SORCS1: variants seen among roughly 807,000 people sequenced by gnomAD.
SORCS1 encodes VPS10 domain-containing receptor SorCS1.
Under a neutral mutation model 146.1 loss-of-function variants are expected in SORCS1, and 60 were observed. That is an observed-to-expected ratio of 0.41 (90% confidence interval 0.33 to 0.51). SORCS1 has a LOEUF of 0.51. Among genes scored for constraint, SORCS1 ranks in the 20% least tolerant of loss-of-function variants. The pLI, the probability that SORCS1 is intolerant of heterozygous loss-of-function variation, is 0.21. For synonymous variants in SORCS1, 637 were observed against 584.0 expected (o/e 1.09, Z -1.31); for missense variants, 1,352 against 1,487.6 (o/e 0.91, Z 1.50).
intron 1 of SORCS1, among the ~76,000 whole-genome samples, chr10:107,131,116 C>G (rs976508181): frequency 6.6e-6 from 1 of 152,174 alleles, no homozygotes; most frequent in African/African-American, 2.4e-5. Context: ...CCTATATACA[C>G]TCTCCTGCTC....
chr10:106,625,052 C>T (rs567891326), intron 19 of SORCS1, among the ~76,000 whole-genome samples: 2 of 152,202 alleles, frequency 1.3e-5, no homozygotes, highest in Admixed American at 6.5e-5. Context: ...GTAGGTGGCG[C>T]TGCATCATTC....
At chr10:106,931,410 GA>G (rs2138592766) in intron 2 of SORCS1, among the ~76,000 whole-genome samples, 1 of 152,346 alleles carries the variant, frequency 6.6e-6, no homozygotes, top group East Asian at 1.9e-4. Context: ...TGCAAGAGCA[GA>G]ATCTCAGAAG....
chr10:106,833,914 A>C (rs1035152461), intron 2 of SORCS1, among the ~76,000 whole-genome samples: 34 of 152,174 alleles, frequency 2.2e-4, no homozygotes, highest in African/African-American at 7.2e-4. Context: ...CTGCCTCAGC[A>C]TCCCGAGTAG....
chr10:106,864,949 C>G (rs1306330527), intron 2 of SORCS1, among the ~76,000 whole-genome samples: 1 of 152,062 alleles, frequency 6.6e-6, no homozygotes, highest in Non-Finnish European at 1.5e-5. Context: ...TCCAGCCACC[C>G]TCAGTGGTGT....
intron 24 of SORCS1, among the ~76,000 whole-genome samples, chr10:106,596,260 G>A (rs186966282): frequency 9.9e-5 from 15 of 152,188 alleles, no homozygotes; most frequent in Admixed American, 6.5e-4. Flanking sequence ...TTGCTACACC[G>A]AACTTCCCCA....
At chr10:107,047,394 C>G (rs1265548146) in intron 1 of SORCS1, among the ~76,000 whole-genome samples, 1 of 152,112 alleles carries the variant, frequency 6.6e-6, no homozygotes, top group Non-Finnish European at 1.5e-5. Context: ...ATTATGCAAC[C>G]CTTTCCACTT....
intron 1 of SORCS1, among the ~76,000 whole-genome samples, chr10:107,012,684 G>A (rs1054970788): frequency 6.6e-6 from 1 of 152,144 alleles, no homozygotes; most frequent in Non-Finnish European, 1.5e-5. Context: ...GTGTCCACAT[G>A]TTCCACCACT....
chr10:106,997,044 T>C (rs1957033042), intron 1 of SORCS1, among the ~76,000 whole-genome samples: 1 of 152,018 alleles, frequency 6.6e-6, no homozygotes, highest in African/African-American at 2.4e-5. Flanking sequence ...CCTTTTTTTT[T>C]TTCTTTATAA....
intron 4 of SORCS1, among the ~76,000 whole-genome samples, chr10:106,776,118 C>A (rs1353698593): frequency 6.6e-6 from 1 of 152,176 alleles, no homozygotes; most frequent in African/African-American, 2.4e-5. Context: ...TTTAGAACAA[C>A]CCTGCTTCGT....
At chr10:106,654,935 C>A (rs1282995615) in intron 17 of SORCS1, among the ~76,000 whole-genome samples, 1 of 152,052 alleles carries the variant, frequency 6.6e-6, no homozygotes, top group African/African-American at 2.4e-5. Flanking sequence ...TGGCTCACTG[C>A]AGCTTCCACC....
At chr10:106,982,124 G>A (rs1044118411) in intron 1 of SORCS1, among the ~76,000 whole-genome samples, 5 of 152,240 alleles carry the variant, frequency 3.3e-5, no homozygotes, top group Non-Finnish European at 7.4e-5. Flanking sequence ...AAATTGGAAC[G>A]TAGTCTTCGA....
At chr10:106,972,561 T>A (rs1253677369) in intron 1 of SORCS1, among the ~76,000 whole-genome samples, 2 of 150,458 alleles carry the variant, frequency 1.3e-5, no homozygotes, top group African/African-American at 2.5e-5. Context: ...AAAGTTTGAG[T>A]GACTTGCCCA....
rs545382518 is a variant in SORCS1, at chr10:106,670,769, T to C, written c.2189+468A>G. ...AGTGCAGTGGCGCGATCGTGGCTCATTGCAATCTCTACCTCCTGGGTTCAA... is the reference window on the plus strand; with the variant it reads ...AGTGCAGTGGCGCGATCGTGGCTCACTGCAATCTCTACCTCCTGGGTTCAA... On this transcript the variant is annotated intron_variant, in intron 16 of 25. Coordinates refer to ENST00000263054, the MANE Select transcript of SORCS1 (RefSeq NM_052918.5). 4.6e-5 allele frequency among the ~76,000 whole-genome samples: 7 copies of C among 151,220 alleles called. No homozygotes were observed. The East Asian group carries it at 7.9e-4, about 17-fold the overall frequency.
chr10:107,002,522 A>C (rs1215626714), intron 1 of SORCS1, among the ~76,000 whole-genome samples: 1 of 152,168 alleles, frequency 6.6e-6, no homozygotes, highest in African/African-American at 2.4e-5. Context: ...AATGAAGCAA[A>C]AACTATAGCT....
chr10:107,119,450 T>C (rs1458109029), intron 1 of SORCS1, among the ~76,000 whole-genome samples: 1 of 152,228 alleles, frequency 6.6e-6, no homozygotes, highest in East Asian at 1.9e-4. Context: ...AAGGGAATAA[T>C]ACAAACATGG....
intron 2 of SORCS1, among the ~76,000 whole-genome samples, chr10:106,945,521 T>C (rs767606212): frequency 3.3e-5 from 5 of 152,218 alleles, no homozygotes; most frequent in Non-Finnish European, 7.3e-5. Flanking sequence ...GTGATCTGTA[T>C]CTCAAGGGAC....
chr10:106,909,389 A>C (rs1007436167), intron 2 of SORCS1, among the ~76,000 whole-genome samples: 7 of 151,812 alleles, frequency 4.6e-5, no homozygotes, highest in Non-Finnish European at 8.8e-5. Flanking sequence ...AATGACAGAG[A>C]GAGAGAGAGA....
At chr10:106,783,732 T>C (rs1861069793) in intron 3 of SORCS1, among the ~76,000 whole-genome samples, 1 of 152,224 alleles carries the variant, frequency 6.6e-6, no homozygotes, top group African/African-American at 2.4e-5. Flanking sequence ...CCCAGATTTT[T>C]CACAATGGCT....
chr10:107,057,749 A>G (rs145901223), intron 1 of SORCS1, among the ~76,000 whole-genome samples: 4 of 152,340 alleles, frequency 2.6e-5, no homozygotes, highest in African/African-American at 9.6e-5. Flanking sequence ...TTCACAATGC[A>G]ACTGTCAAAG....
Sources: allele counts gnomAD v4.1 joint callset (sites outside exome capture counted in the v4.1 genomes callset), GRCh38; gene constraint gnomAD v4.1.1; transcripts MANE v1.5; gene names NCBI Gene and HGNC (gene_info 2026-07-23, HGNC 2026-07-21).